Variants in DMD observed in about 807,000 individuals in gnomAD.
DMD encodes the protein dystrophin.
In DMD, 63 loss-of-function variants were observed where a neutral mutation model predicts 330.1. That is an observed-to-expected ratio of 0.19 (90% CI 0.16 to 0.24). DMD has a LOEUF of 0.24. Among genes scored for constraint, DMD ranks in the 10% least tolerant of loss-of-function variants. DMD has a pLI of 1.00. For synonymous variants in DMD, 1,223 were observed against 959.8 expected, an observed-to-expected ratio of 1.27 and a Z score of -5.07; for missense variants, 3,344 against 2,684.1, an observed-to-expected ratio of 1.25 and a Z score of -5.43.
At chrX:31,242,573 A>C (rs2048438708) in intron 63 of DMD, among the ~76,000 whole-genome samples, 1 of 111,300 alleles carries the variant, frequency 9.0e-6, no homozygotes, top group South Asian at 3.8e-4. Flanking sequence ...AACATTTATT[A>C]ACTGTTTTAT....
At chrX:31,415,696 T>G (rs2061839850) in intron 60 of DMD, among the ~76,000 whole-genome samples, 1 of 111,620 alleles carries the variant, frequency 9.0e-6, no homozygotes, top group Admixed American at 9.6e-5. Flanking sequence ...ATATCCTTCC[T>G]CATTCCTGGT....
chrX:32,527,899 A>AG (rs1416710452), intron 17 of DMD, among the ~76,000 whole-genome samples: 1 of 111,804 alleles, frequency 8.9e-6, no homozygotes, highest in Non-Finnish European at 1.9e-5. Context: ...CCTCTGTGGA[A>AG]GGGGGGAAGA....
chrX:32,820,966 T>C (rs931941903), intron 5 of DMD, among the ~76,000 whole-genome samples: 16 of 111,519 alleles, frequency 1.4e-4, no homozygotes, highest in African/African-American at 5.2e-4. Flanking sequence ...GAGCAACATA[T>C]GAAAAGCAGT....
intron 9 of DMD, among the ~76,000 whole-genome samples, chrX:32,653,702 T>C (rs1037794000): frequency 8.9e-6 from 1 of 111,865 alleles, no homozygotes; most frequent in Non-Finnish European, 1.9e-5. Flanking sequence ...TAGAAAGTCA[T>C]TGGTAGCTTG....
chrX:32,716,458 C>T (rs908611827), intron 7 of DMD, among the ~76,000 whole-genome samples: 9 of 111,576 alleles, frequency 8.1e-5, no homozygotes, highest in Non-Finnish European at 1.3e-4. Flanking sequence ...GCCATACTTC[C>T]TGTACAGCCT....
intron 6 of DMD, among the ~76,000 whole-genome samples, chrX:32,812,092 A>C (rs1407490520): frequency 9.0e-6 from 1 of 111,100 alleles, no homozygotes; most frequent in East Asian, 2.9e-4. Flanking sequence ...GTCATTAGTC[A>C]AGTGGTTCTT....
intron 1 of DMD, among the ~76,000 whole-genome samples, chrX:33,309,810 AT>A (rs1483993856): frequency 1.8e-5 from 2 of 110,985 alleles, no homozygotes; most frequent in African/African-American, 6.5e-5. Context: ...TTATATTATT[AT>A]TACAAAATTA....
chrX:32,136,535 G>A (rs1176412377), intron 44 of DMD, among the ~76,000 whole-genome samples: 1 of 101,788 alleles, frequency 9.8e-6, no homozygotes, highest in Non-Finnish European at 2.0e-5. Context: ...AAGAGAAAGT[G>A]AACAAGCAAC....
chrX:31,550,356 T>C (rs139407302), intron 55 of DMD, among the ~76,000 whole-genome samples: 1,302 of 111,752 alleles, frequency 0.012, 21 homozygotes, highest in African/African-American at 0.04. Flanking sequence ...GACAAGCAAG[T>C]TCATTTGTTT....
intron 2 of DMD, among the ~76,000 whole-genome samples, chrX:33,004,325 C>T (rs946619655): frequency 2.7e-5 from 3 of 111,465 alleles, no homozygotes; most frequent in Non-Finnish European, 5.7e-5. Flanking sequence ...GGCTCACCCA[C>T]TATGTTCCTT....
chrX:31,827,458 C>G (rs758282951), intron 49 of DMD, among the ~76,000 whole-genome samples: 20 of 111,996 alleles, frequency 1.8e-4, no homozygotes, highest in Middle Eastern at 4.6e-3. Flanking sequence ...ATGAGATAGA[C>G]AGCAATGCAA....
intron 6 of DMD, among the ~76,000 whole-genome samples, chrX:32,809,936 A>G (rs1355626620): frequency 2.1e-5 from 2 of 95,905 alleles, no homozygotes; most frequent in South Asian, 5.5e-4. Context: ...AAAAAAAAAA[A>G]AAAAAAAAAA....
chrX:31,373,968 T>C (rs1370234283), intron 60 of DMD, among the ~76,000 whole-genome samples: 1 of 107,720 alleles, frequency 9.3e-6, no homozygotes, highest in Non-Finnish European at 1.9e-5. Flanking sequence ...CTCAAACAAA[T>C]GTACAAGAAA....
At chrX:32,832,570 A>C (rs1269921551) in intron 4 of DMD, among the ~76,000 whole-genome samples, 1 of 111,540 alleles carries the variant, frequency 9.0e-6, no homozygotes, top group African/African-American at 3.2e-5. Flanking sequence ...CAAGCTAAAG[A>C]CTTCTCCATA....
chrX:32,817,471 C>T (rs1460889304), intron 5 of DMD, among the ~76,000 whole-genome samples: 1 of 111,856 alleles, frequency 8.9e-6, no homozygotes, highest in African/African-American at 3.2e-5. Context: ...AGCATTTTTT[C>T]TAAGTTTCAT....
chrX:31,236,168 C>T (rs769846765), intron 63 of DMD, among the ~76,000 whole-genome samples: 9 of 112,344 alleles, frequency 8.0e-5, no homozygotes, highest in Non-Finnish European at 1.7e-4. Flanking sequence ...CAAAGTCACT[C>T]GTTAAAAATG....
At chrX:32,564,475 G>A (rs769027825) in intron 16 of DMD, among the ~76,000 whole-genome samples, 10 of 111,267 alleles carry the variant, frequency 9.0e-5, no homozygotes, top group African/African-American at 3.3e-4. Flanking sequence ...CCAATGTATT[G>A]CAAAGAAGCC....
intron 58 of DMD, 51 bp from the exon 59 acceptor site, chrX:31,478,425 A>C: frequency 8.3e-7 from 1 of 1,198,763 alleles, no homozygotes. Flanking sequence ...TTTTTTAAAC[A>C]TTGTCAAAAA....
intron 43 of DMD, among the ~76,000 whole-genome samples, chrX:32,272,290 T>A (rs189467321): frequency 1.8e-5 from 2 of 112,274 alleles, no homozygotes; most frequent in East Asian, 5.6e-4. Flanking sequence ...TGTAGGAATT[T>A]GCTAAGGAGC....
Sources: gnomAD v4.1 joint callset for allele counts (sites outside exome capture counted in the v4.1 genomes callset) on GRCh38, gnomAD v4.1.1 for gene constraint, MANE v1.5 for transcripts, NCBI Gene and HGNC (gene_info 2026-07-23, HGNC 2026-07-21) for gene names.